Variants in TLN2 observed in about 807,000 individuals in gnomAD.
TLN2 encodes talin-2.
In TLN2, 118 loss-of-function variants were observed where a neutral mutation model predicts 294.7. The observed-to-expected ratio is 0.40, with a 90% CI of 0.34 to 0.47. The LOEUF is 0.47. Among genes scored for constraint, TLN2 ranks in the 20% least tolerant of loss-of-function variants. The pLI is 0.84. For synonymous variants in TLN2, 1,431 were observed against 1,304.5 expected (o/e 1.10, Z -2.09); for missense variants, 3,083 against 3,282.2 (o/e 0.94, Z 1.48).
At chr15:62,669,190 T>C (rs2055094640) in intron 9 of TLN2, among the ~76,000 whole-genome samples, 1 of 152,244 alleles carries the variant, frequency 6.6e-6, no homozygotes, top group African/African-American at 2.4e-5. Flanking sequence ...TGATACATTT[T>C]ACAACTATTA....
At chr15:62,824,689 C>G (rs761138200) in intron 54 of TLN2, among the ~76,000 whole-genome samples, 1 of 150,712 alleles carries the variant, frequency 6.6e-6, no homozygotes, top group African/African-American at 2.4e-5. Flanking sequence ...AGCCAACAAT[C>G]GGAAAGTAAT....
In TLN2 at chr15:62,750,390, C is replaced by G. The variant is rs753499419; in HGVS notation, c.4120-12C>G. 6.2e-7 allele frequency: 1 copy of G among 1,611,436 alleles called. No homozygotes were observed. The highest frequency in any genetic ancestry group is 8.5e-7 in the Non-Finnish European group (1 of 1,177,754). On this transcript the variant is annotated splice_polypyrimidine_tract_variant and intron_variant, in intron 33 of 58. Transcript: ENST00000636159. ...ATTTGCTTGCTTTTTATGTTGTGTT[C>G]TTCTTCTGTAGACTGTGAAGGGGAT...
At chr15:62,775,503 G>GATAC (rs1567579792) in intron 42 of TLN2, among the ~76,000 whole-genome samples, 1 of 152,130 alleles carries the variant, frequency 6.6e-6, no homozygotes, top group Non-Finnish European at 1.5e-5. Flanking sequence ...TTGCCTCAAG[G>GATAC]ATAACCATCC....
At chr15:62,482,372 G>A (rs911531032) in intron 1 of TLN2, among the ~76,000 whole-genome samples, 3 of 151,978 alleles carry the variant, frequency 2.0e-5, no homozygotes, top group African/African-American at 7.2e-5. Flanking sequence ...GGAGGCCGAG[G>A]CGGGTGGATC....
chr15:62,770,869 G>A, intron 41 of TLN2, 95 bp from the exon 42 acceptor site: 14 of 1,476,284 alleles, frequency 9.5e-6, no homozygotes, highest in Non-Finnish European at 1.3e-5. Context: ...AGTCAGCCCA[G>A]TCCTGTTCCC....
intron 3 of TLN2, among the ~76,000 whole-genome samples, chr15:62,619,221 A>G (rs1318526895): frequency 1.3e-5 from 2 of 152,186 alleles, no homozygotes; most frequent in Non-Finnish European, 1.5e-5. Context: ...TTTCTGAAAA[A>G]TGCCATTTAC....
At chr15:62,639,719 A>G (rs2050788567) in intron 3 of TLN2, among the ~76,000 whole-genome samples, 1 of 152,156 alleles carries the variant, frequency 6.6e-6, no homozygotes, top group Admixed American at 6.5e-5. Flanking sequence ...TCAAGTGTAG[A>G]TACCGAGACT....
Position 62,755,676 on chromosome 15 carries a change from C to G in TLN2, c.4621C>G (p.Leu1541Val), listed in dbSNP as rs1353851297. The change falls in exon 37 of 59, where the codon CTG (leucine) becomes GTG (valine). Residue 1541 changes from leucine to valine, a missense_variant. Leu to Val is a conservative substitution (Grantham distance 32). Transcript: ENST00000636159. Reference sequence around the variant, plus strand: ...GGAAGTCGCCAACAGCACTGCCAACCTGGTGAAGACCATCAAGGTAGGTCG... The same window carrying G: ...GGAAGTCGCCAACAGCACTGCCAACGTGGTGAAGACCATCAAGGTAGGTCG... Reference protein sequence around the residue: ...AKEVANSTANLVKTIKALDGD... With the variant: ...AKEVANSTANVVKTIKALDGD... 1 of 1,614,234 alleles carries G rather than the reference C, an allele frequency of 6.2e-7. No individual in the cohort carries two copies. The highest frequency in any genetic ancestry group is 1.7e-5 in the Admixed American group (1 of 60,022).
intron 1 of TLN2, among the ~76,000 whole-genome samples, chr15:62,544,737 T>TC (rs1037170041): frequency 1.3e-5 from 2 of 151,672 alleles, no homozygotes; most frequent in African/African-American, 2.4e-5. Flanking sequence ...TTTTTTTTTT[T>TC]TTTCTTCCCC....
rs1318341385 is a variant in TLN2 at position 62,842,492 on chromosome 15, A to T, written c.*1882A>T. 6.6e-6 allele frequency: 1 copy of T among 152,226 alleles called. No individual in the cohort carries two copies. Among genetic ancestry groups the T allele is most frequent in the Non-Finnish European group, 1.5e-5 (1 of 68,160 alleles). 9.4% of individuals were successfully genotyped at this position (152,226 alleles called of 1,614,324 possible). A position where few individuals can be genotyped will look rare whatever the true frequency, so the allele number is the denominator to read the frequency against. On this transcript the variant is annotated 3_prime_UTR_variant, in exon 59 of 59. Coordinates refer to ENST00000636159, the MANE Select transcript of TLN2 (RefSeq NM_015059.3). ...CAATGCTCAGAGTCACAATGTGTTC[A>T]TGGCCTCCTGTAACAGGACTCTGGG...
intron 39 of TLN2, 149 bp from the exon 40 acceptor site, chr15:62,763,414 G>C: frequency 1.0e-6 from 1 of 973,776 alleles, no homozygotes; most frequent in Middle Eastern, 3.2e-4. Context: ...GCAGTGAGAC[G>C]TTGCCAACCA....
chr15:62,609,580 T>A (rs930744264), intron 2 of TLN2, among the ~76,000 whole-genome samples: 13 of 152,226 alleles, frequency 8.5e-5, no homozygotes, highest in African/African-American at 3.1e-4. Context: ...TTGAGGTTTG[T>A]GTCTTTCCAC....
At chr15:62,717,388 A>G (rs1007014929) in intron 23 of TLN2, among the ~76,000 whole-genome samples, 188 bp from the exon 24 acceptor site, 1 of 152,194 alleles carries the variant, frequency 6.6e-6, no homozygotes, top group Non-Finnish European at 1.5e-5. Flanking sequence ...CTTGTCTCAG[A>G]GGACGTCAAC....
At chr15:62,549,027 A>G (rs1004283485) in intron 1 of TLN2, among the ~76,000 whole-genome samples, 5 of 152,220 alleles carry the variant, frequency 3.3e-5, no homozygotes, top group Admixed American at 2.6e-4. Flanking sequence ...GCTTATGCCC[A>G]GAAAAGTTCT....
At chr15:62,513,816 C>T (rs1008226779) in intron 1 of TLN2, among the ~76,000 whole-genome samples, 2 of 152,180 alleles carry the variant, frequency 1.3e-5, no homozygotes, top group Admixed American at 6.5e-5. Flanking sequence ...ATTGCAAACC[C>T]TTTCAGAACC....
chr15:62,597,710 T>C lies in TLN2; in HGVS notation c.-162+7948T>C, dbSNP rs185022139. Among the ~76,000 whole-genome samples the C allele has an allele frequency of 3.2e-4, 48 of 152,332 alleles. No individual in the cohort carries two copies. In the East Asian group the frequency reaches 5.0e-3, roughly 16 times the overall value. ...AAGTGCTTCAGATTTCATTTTTTTTTCCAGATTTTTGGAATATTTACATAT... is the reference window on the plus strand; with the variant it reads ...AAGTGCTTCAGATTTCATTTTTTTTCCCAGATTTTTGGAATATTTACATAT... On this transcript the variant is annotated intron_variant, in intron 2 of 58. Coordinates refer to ENST00000636159, the MANE Select transcript of TLN2 (RefSeq NM_015059.3).
At chr15:62,767,329 CTT>C (rs2063070622) in intron 41 of TLN2, among the ~76,000 whole-genome samples, 1 of 148,682 alleles carries the variant, frequency 6.7e-6, no homozygotes, top group Non-Finnish European at 1.5e-5. Context: ...TTTTTCTTTT[CTT>C]TTCTTTTCTT....
At chr15:62,541,260 G>T (rs1372835681) in intron 1 of TLN2, among the ~76,000 whole-genome samples, 1 of 152,128 alleles carries the variant, frequency 6.6e-6, no homozygotes, top group African/African-American at 2.4e-5. Context: ...TAGCGTCATG[G>T]ATTTTCATGA....
At position 62,776,750 on chromosome 15, in the gene TLN2, A is replaced by C; in HGVS notation, c.5368-14A>C. The C allele has an allele frequency of 6.7e-7, 1 of 1,496,906 alleles. No homozygotes were observed. Among genetic ancestry groups the C allele is most frequent in the African/African-American group, 1.4e-5 (1 of 70,304 alleles). 92.7% of individuals were successfully genotyped at this position (1,496,906 alleles called of 1,614,324 possible). ...TCTTCTGCTTAAGGAAATGTTTCAC[A>C]ATTCCCTTCTCAGGCACAACACACC... On this transcript the variant is annotated splice_polypyrimidine_tract_variant and intron_variant, in intron 42 of 58. Transcript: ENST00000636159.
Sources: gnomAD v4.1 joint callset for allele counts (sites outside exome capture counted in the v4.1 genomes callset) on GRCh38, gnomAD v4.1.1 for gene constraint, MANE v1.5 for transcripts, NCBI Gene and HGNC (gene_info 2026-07-23, HGNC 2026-07-21) for gene names.